Variants in TRAF3IP2 observed in about 807,000 individuals in gnomAD.
TRAF3IP2 encodes E3 ubiquitin ligase TRAF3IP2.
In TRAF3IP2, 35 loss-of-function variants were observed where a neutral mutation model predicts 57.9. The ratio of observed to expected loss-of-function variants is 0.60; its 90% confidence interval spans 0.46 to 0.80. The LOEUF is 0.80. TRAF3IP2 is among the 30% of genes least tolerant of loss of function. The pLI is 0.00. For synonymous variants in TRAF3IP2, 251 were observed against 268.9 expected (o/e 0.93, Z 0.65); for missense variants, 556 against 706.4 (o/e 0.79, Z 2.41).
In TRAF3IP2 at chr6:111,575,577, G is replaced by C. The variant is rs1407149827; in HGVS notation, c.1201+66C>G. 22 of 1,497,760 alleles carry C rather than the reference G, an allele frequency of 1.5e-5. No homozygotes were observed. The East Asian group carries it at 4.9e-4, about 34-fold the overall frequency. The allele number at this position is 1,497,760 out of a possible 1,614,324, so 92.8% of individuals were successfully genotyped here. ...CACTCCAGCCTGGGCAACAGAGCGA[G>C]ACTCCGTCTCAAAAAAAAAAAAAAA... is the stretch of plus-strand genomic sequence containing the variant. On this transcript the variant is annotated intron_variant, in intron 4 of 8. Transcript: ENST00000368761.
At chr6:111,561,942 A>G (rs1196450532) in intron 8 of TRAF3IP2, among the ~76,000 whole-genome samples, 1 of 152,182 alleles carries the variant, frequency 6.6e-6, no homozygotes, top group Non-Finnish European at 1.5e-5. Context: ...GTGCCATCGC[A>G]CAGGCTGTGC....
chr6:111,591,659 G>A lies in TRAF3IP2; in HGVS notation c.428C>T (p.Ser143Phe). 6.2e-7 allele frequency: 1 copy of A among 1,614,252 alleles called. No homozygotes were observed. The highest frequency in any genetic ancestry group is 1.1e-5 in the South Asian group (1 of 91,090). The change falls in exon 2 of 9, where the codon TCT (serine) becomes TTT (phenylalanine). Residue 143 changes from serine (S) to phenylalanine (F), a missense_variant. Ser to Phe is a radical substitution (Grantham distance 155, BLOSUM62 -2). Transcript: ENST00000368761. The surrounding 1 kb of genome is among the most constrained non-coding windows in gnomAD (Gnocchi z 4.9). ...FMEKRNQWLV[S>F]QLSAASPDTG... ...GTCAGGAGAAGCCGCTGAAAGCTGA[G>A]ATACCAGCCATTGATTACGTTTTTC...
chr6:111,593,796 C>T (rs1368986888), intron 1 of TRAF3IP2, among the ~76,000 whole-genome samples: 14 of 152,082 alleles, frequency 9.2e-5, no homozygotes, highest in Admixed American at 9.2e-4. Flanking sequence ...CAAGAGCCTA[C>T]CCAAAAAACC....
rs1250825395 is a variant in TRAF3IP2 at position 111,557,663 on chromosome 6, C to T, written c.*1742G>A. 6.6e-6 allele frequency: 1 copy of T among 151,394 alleles called. No individual in the cohort carries two copies. Among genetic ancestry groups the T allele is most frequent in the Non-Finnish European group, 1.5e-5 (1 of 67,840 alleles). The allele number at this position is 151,394 out of a possible 1,614,324, so 9.4% of individuals were successfully genotyped here. On this transcript the variant is annotated 3_prime_UTR_variant, in exon 9 of 9. Coordinates refer to ENST00000368761, the MANE Select transcript of TRAF3IP2 (RefSeq NM_147686.4). ...GCCAGGATGGTCTTGATCTCCTGAC[C>T]TCATGATCCGCCTGCCTCAGCCTCC...
At chr6:111,601,418 G>T (rs1394138044) in intron 1 of TRAF3IP2, 2 of 480,626 alleles carry the variant, frequency 4.2e-6, no homozygotes, top group Admixed American at 7.0e-5. Flanking sequence ...CCAACAAAGG[G>T]TGATGATAAA....
At chr6:111,580,079 T>C (rs1310569872) in intron 3 of TRAF3IP2, 118 bp downstream of exon 3, 2 of 1,193,320 alleles carry the variant, frequency 1.7e-6, no homozygotes, top group Non-Finnish European at 2.3e-6. Context: ...TTCCACTATG[T>C]GACTTGCTCA....
chr6:111,591,979 A>G lies in TRAF3IP2; in HGVS notation c.108T>C (p.Ala36=). Residue 36 remains alanine, a synonymous_variant, in exon 2 of 9, where the codon GCT becomes GCC. Transcript: ENST00000368761. This position sits in a 1 kb window ranked among gnomAD's most constrained non-coding sequence, Gnocchi z 4.9. ...YSPEEESEPP[A]PNIRNMAPNS... ...TGGGTGCCATGTTCCTTATATTTGGAGCAGGTGGTTCTGATTCCTCTTCCG... is the reference window on the plus strand; with the variant it reads ...TGGGTGCCATGTTCCTTATATTTGGGGCAGGTGGTTCTGATTCCTCTTCCG... 1 of 1,614,158 alleles carries G rather than the reference A, an allele frequency of 6.2e-7. No individual in the cohort carries two copies. Among genetic ancestry groups the G allele is most frequent in the Non-Finnish European group, 8.5e-7 (1 of 1,180,038 alleles).
At chr6:111,561,434 G>T (rs1039499644) in intron 8 of TRAF3IP2, among the ~76,000 whole-genome samples, 3 of 152,116 alleles carry the variant, frequency 2.0e-5, no homozygotes, top group African/African-American at 7.2e-5. Context: ...GCAAGACTCC[G>T]TCTCAAAACA....
intron 5 of TRAF3IP2, among the ~76,000 whole-genome samples, chr6:111,568,122 T>C (rs1795710505): frequency 6.6e-6 from 1 of 152,234 alleles, no homozygotes; most frequent in Non-Finnish European, 1.5e-5. Context: ...GATACAATTG[T>C]GGTGCTTTAC....
intron 2 of TRAF3IP2, among the ~76,000 whole-genome samples, chr6:111,583,225 G>T (rs1004814022): frequency 1.3e-5 from 2 of 152,166 alleles, no homozygotes; most frequent in Non-Finnish European, 2.9e-5. Context: ...ATGAATGAAG[G>T]CTCAATAGTT....
At chr6:111,574,936 A>G (rs1795934546) in intron 4 of TRAF3IP2, 1 of 152,232 alleles carries the variant, frequency 6.6e-6, no homozygotes, top group Non-Finnish European at 1.5e-5. Context: ...AGCTGAGGTT[A>G]TGAGGCCAGG....
chr6:111,589,217 C>A (rs1024331014), intron 2 of TRAF3IP2, among the ~76,000 whole-genome samples: 1 of 151,924 alleles, frequency 6.6e-6, no homozygotes, highest in African/African-American at 2.4e-5. Flanking sequence ...CCCGCCACAA[C>A]AACTGGCTAA....
rs78585044 is a variant in TRAF3IP2 at position 111,596,231 on chromosome 6, C to T, written c.-8-4137G>A. 3.0e-4 allele frequency among the ~76,000 whole-genome samples: 45 copies of T among 152,274 alleles called. 1 individual carries two copies. The East Asian group carries it at 7.7e-3, about 26-fold the overall frequency. On this transcript the variant is annotated intron_variant, in intron 1 of 8. Coordinates refer to ENST00000368761, the MANE Select transcript of TRAF3IP2 (RefSeq NM_147686.4). The stretch of plus-strand genomic sequence containing the variant: ...GATATACACAAATATCTAATAATCT[C>T]TTATTTGCTCATTGCCTCTCCCTTC...
At position 111,568,432 on chromosome 6, in the gene TRAF3IP2, A is replaced by AGT. The variant is rs58088162; in HGVS notation, c.1291-742_1291-741dup. Among the ~76,000 whole-genome samples the AGT allele has an allele frequency of 7.3e-3, 1,067 of 146,680 alleles. 12 individuals carry two copies. Among genetic ancestry groups the AGT allele is most frequent in the Admixed American group, 9.4e-3 (138 of 14,636 alleles). ...TCTTGGGCTCAGGCTTATACTGCAG[A>AGT]GTGTGTGTGTGTGTGTGTGTGTGTG... is the stretch of plus-strand genomic sequence containing the variant. On this transcript the variant is annotated intron_variant, in intron 5 of 8. Transcript: ENST00000368761.
intron 1 of TRAF3IP2, among the ~76,000 whole-genome samples, chr6:111,597,083 G>C (rs1264470569): frequency 6.6e-6 from 1 of 152,250 alleles, no homozygotes; most frequent in Non-Finnish European, 1.5e-5. Flanking sequence ...CAACAACAAT[G>C]TTGGGTAGCA....
chr6:111,571,683 T>C (rs1254162990), intron 5 of TRAF3IP2, among the ~76,000 whole-genome samples: 1 of 152,104 alleles, frequency 6.6e-6, no homozygotes, highest in Non-Finnish European at 1.5e-5. Context: ...TCCCAGCACT[T>C]TGGGAGGCCA....
chr6:111,581,178 A>C (rs1465243360), intron 2 of TRAF3IP2, among the ~76,000 whole-genome samples: 2 of 152,268 alleles, frequency 1.3e-5, no homozygotes, highest in Non-Finnish European at 2.9e-5. Flanking sequence ...CTAATGCTTA[A>C]TCACGCAAAA....
At chr6:111,571,913 T>C (rs1430781649) in intron 5 of TRAF3IP2, among the ~76,000 whole-genome samples, 1 of 140,884 alleles carries the variant, frequency 7.1e-6, no homozygotes. Flanking sequence ...AGACTCTGTC[T>C]CAAAAAAAAA....
chr6:111,601,135 G>T, intron 1 of TRAF3IP2: 5 of 731,912 alleles, frequency 6.8e-6, no homozygotes, highest in Non-Finnish European at 1.3e-5. Flanking sequence ...GAAGAAAGGG[G>T]ATGGGGAAGC....
Sources: allele counts gnomAD v4.1 joint callset (sites outside exome capture counted in the v4.1 genomes callset), GRCh38; gene constraint gnomAD v4.1.1; non-coding constraint Gnocchi (gnomAD v3.1); transcripts MANE v1.5; gene names NCBI Gene and HGNC (gene_info 2026-07-23, HGNC 2026-07-21).